The following RHOU variants were observed in gnomAD, a reference collection of about 807,000 sequenced individuals.
The protein encoded by RHOU is rho-related GTP-binding protein RhoU.
In RHOU, 8 loss-of-function variants were observed where a neutral mutation model predicts 12.6. The ratio of observed to expected loss-of-function variants is 0.64; its 90% confidence interval spans 0.37 to 1.15. The LOEUF is 1.15. Ranked by LOEUF, RHOU falls within the 50% of genes most tolerant of loss-of-function variation. The pLI, the probability that RHOU is intolerant of heterozygous loss-of-function variation, is 0.01. For synonymous variants in RHOU, 161 were observed against 147.4 expected, an observed-to-expected ratio of 1.09 and a Z score of -0.67; for missense variants, 258 against 347.0, an observed-to-expected ratio of 0.74 and a Z score of 2.04.
At chr1:228,686,801 C>T in the RHOU span, among the ~76,000 whole-genome samples, 3 of 152,116 alleles carry the variant, frequency 2.0e-5, no homozygotes, top group East Asian at 1.9e-4. Context: ...AGTGCAGTGG[C>T]GTGATCTTGG....
At chr1:228,707,262 GTGTGTGT>G in the RHOU span, among the ~76,000 whole-genome samples, 1 of 75,504 alleles carries the variant, frequency 1.3e-5, no homozygotes, top group African/African-American at 1.2e-4. Context: ...TATAGTGTGT[GTGTGTGT>G]GTGTGTGTGT....
the RHOU span, among the ~76,000 whole-genome samples, chr1:228,724,005 C>G: frequency 2.6e-5 from 4 of 152,228 alleles, no homozygotes; most frequent in East Asian, 7.7e-4. Context: ...TCAAATATGG[C>G]CTGCATGAGG....
rs1254620333 is a variant in RHOU, at chr1:228,737,044, A to G, written c.263-629A>G. On this transcript the variant is annotated intron_variant, in intron 1 of 2. Coordinates refer to ENST00000366691, the MANE Select transcript of RHOU (RefSeq NM_021205.6). The surrounding 1 kb of genome is among the most constrained non-coding windows in gnomAD (Gnocchi z 4.1). ...GCTTAATTAAAATAGAAACCTCCAC[A>G]ACATGTCCTGCTGCAGGCCTCTCCA... 6.6e-6 allele frequency among the ~76,000 whole-genome samples: 1 copy of G among 151,576 alleles called. No homozygotes were observed. Among genetic ancestry groups the G allele is most frequent in the Admixed American group, 6.6e-5 (1 of 15,228 alleles).
the RHOU span, among the ~76,000 whole-genome samples, chr1:228,699,096 G>GT: frequency 2.0e-3 from 243 of 119,128 alleles, 2 homozygotes; most frequent in African/African-American, 7.3e-3. Context: ...TTTTTTTTTT[G>GT]TTTTTTTTAA....
intron 1 of RHOU, among the ~76,000 whole-genome samples, chr1:228,736,290 T>G (rs1270906348): frequency 1.3e-5 from 2 of 150,300 alleles, no homozygotes; most frequent in Non-Finnish European, 3.0e-5. Context: ...ATCTCACAAT[T>G]TAAGCAACAG....
At chr1:228,657,424 C>T in the RHOU span, among the ~76,000 whole-genome samples, 3 of 150,014 alleles carry the variant, frequency 2.0e-5, no homozygotes, top group Non-Finnish European at 4.4e-5. Context: ...AATAGGTTTA[C>T]ATAAGACAAA....
chr1:228,656,009 C>T, the RHOU span, among the ~76,000 whole-genome samples: 6 of 152,298 alleles, frequency 3.9e-5, no homozygotes, highest in African/African-American at 1.4e-4. Context: ...TGGACTGGGG[C>T]CACCTGTGCT....
the RHOU span, among the ~76,000 whole-genome samples, chr1:228,685,194 G>A: frequency 6.6e-6 from 1 of 152,148 alleles, no homozygotes; most frequent in Non-Finnish European, 1.5e-5. Flanking sequence ...GGTTTTGGCT[G>A]GCTTCTTTAC....
rs1662650642 is a variant in RHOU at position 228,738,097 on chromosome 1, A to G, written c.321+366A>G. On this transcript the variant is annotated intron_variant, in intron 2 of 2. Coordinates refer to ENST00000366691, the MANE Select transcript of RHOU (RefSeq NM_021205.6). This position sits in a 1 kb window ranked among gnomAD's most constrained non-coding sequence, Gnocchi z 4.2. Reference sequence around the variant, plus strand: ...CAAACTAAGTTAGTGATGTCTTATAATCGTTTTATTAAAGGCCAGTGAGTC... The same window carrying G: ...CAAACTAAGTTAGTGATGTCTTATAGTCGTTTTATTAAAGGCCAGTGAGTC... Among the ~76,000 whole-genome samples, 1 of 152,210 alleles carries G rather than the reference A, an allele frequency of 6.6e-6. No individual in the cohort carries two copies. The highest frequency in any genetic ancestry group is 2.4e-5 in the African/African-American group (1 of 41,446).
chr1:228,705,226 T>C, the RHOU span, among the ~76,000 whole-genome samples: 1 of 152,152 alleles, frequency 6.6e-6, no homozygotes, highest in African/African-American at 2.4e-5. Context: ...GCACTTTGTG[T>C]GTGTGTGAAA....
chr1:228,707,364 G>T, the RHOU span, among the ~76,000 whole-genome samples: 1 of 147,412 alleles, frequency 6.8e-6, no homozygotes, highest in African/African-American at 2.5e-5. Context: ...CCGGTCTACA[G>T]CTCCCAGCGT....
the RHOU span, among the ~76,000 whole-genome samples, chr1:228,707,194 TAC>T: frequency 7.1e-5 from 5 of 70,272 alleles, no homozygotes; most frequent in Admixed American, 1.7e-4. Context: ...TATATATATA[TAC>T]ATATATATAC....
chr1:228,704,328 G>A, the RHOU span, among the ~76,000 whole-genome samples: 375 of 152,192 alleles, frequency 2.5e-3, 4 homozygotes, highest in African/African-American at 8.5e-3. Context: ...ATGGTCACGC[G>A]CTTAATCTTG....
At chr1:228,659,778 G>A in the RHOU span, among the ~76,000 whole-genome samples, 58 of 152,098 alleles carry the variant, frequency 3.8e-4, no homozygotes, top group African/African-American at 1.4e-3. Flanking sequence ...GAGGTCAGGA[G>A]TTCGAGACTA....
At chr1:228,714,402 C>T in the RHOU span, among the ~76,000 whole-genome samples, 1 of 152,132 alleles carries the variant, frequency 6.6e-6, no homozygotes, top group Non-Finnish European at 1.5e-5. Context: ...ATTACCTTAT[C>T]TTTGAAGTTT....
the RHOU span, among the ~76,000 whole-genome samples, chr1:228,680,904 T>G: frequency 1.4e-4 from 21 of 152,324 alleles, no homozygotes; most frequent in African/African-American, 4.8e-4. Flanking sequence ...ATCTGCCTGA[T>G]AGTTCCATAG....
rs983759128 is a variant in RHOU, at chr1:228,738,623, C to T, written c.321+892C>T. On this transcript the variant is annotated intron_variant, in intron 2 of 2. Coordinates refer to ENST00000366691, the MANE Select transcript of RHOU (RefSeq NM_021205.6). The surrounding 1 kb of genome is among the most constrained non-coding windows in gnomAD (Gnocchi z 4.2). ...GAAGGCACTGGCTTTCCACTGCCCCCCAGAGCCTCATCTACGCCAGAGCTT... is the reference window on the plus strand; with the variant it reads ...GAAGGCACTGGCTTTCCACTGCCCCTCAGAGCCTCATCTACGCCAGAGCTT... Among the ~76,000 whole-genome samples the T allele has an allele frequency of 1.3e-5, 2 of 152,178 alleles. No individual in the cohort carries two copies. Among genetic ancestry groups the T allele is most frequent in the African/African-American group, 4.8e-5 (2 of 41,442 alleles).
chr1:228,650,485 G>T, the RHOU span: 1 of 456,582 alleles, frequency 2.2e-6, no homozygotes, highest in Admixed American at 2.4e-5. Context: ...CAGCATCCTG[G>T]TGGCCGTGAT....
the RHOU span, among the ~76,000 whole-genome samples, chr1:228,682,601 G>C: frequency 2.0e-5 from 3 of 152,090 alleles, no homozygotes; most frequent in African/African-American, 7.2e-5. Flanking sequence ...TCTCAAGGGT[G>C]GGGGAGATTG....
Sources: gnomAD v4.1 joint callset for allele counts (sites outside exome capture counted in the v4.1 genomes callset) on GRCh38, gnomAD v4.1.1 for gene constraint, Gnocchi (gnomAD v3.1) non-coding constraint, MANE v1.5 for transcripts, NCBI Gene and HGNC (gene_info 2026-07-23, HGNC 2026-07-21) for gene names.